PTPRG: variants seen among roughly 807,000 people sequenced by gnomAD.
PTPRG encodes the protein protein tyrosine phosphatase receptor type G.
A neutral mutation model predicts 165.3 loss-of-function variants in PTPRG; 102 were observed. The observed-to-expected ratio is 0.62, with a 90% CI of 0.53 to 0.73. The LOEUF (loss-of-function observed/expected upper bound fraction) is 0.73. Ranked by LOEUF, PTPRG falls within the 30% of genes least tolerant of loss-of-function variation. PTPRG has a pLI of 0.00. For missense variants in PTPRG, 1,866 were observed against 1,861.4 expected (o/e 1.00, Z -0.05); for synonymous variants, 675 against 669.5 (o/e 1.01, Z -0.13).
At chr3:61,912,582 A>T (rs2038829704) in intron 2 of PTPRG, among the ~76,000 whole-genome samples, 1 of 152,226 alleles carries the variant, frequency 6.6e-6, no homozygotes, top group Non-Finnish European at 1.5e-5. Context: ...CAGAAGACCG[A>T]CAGTCTTTTC....
intron 2 of PTPRG, among the ~76,000 whole-genome samples, chr3:61,949,172 A>C (rs570625986): frequency 2.1e-4 from 32 of 152,352 alleles, no homozygotes; most frequent in Non-Finnish European, 4.0e-4. Flanking sequence ...GCTTAAAAAA[A>C]CAACTCAAAA....
intron 14 of PTPRG, among the ~76,000 whole-genome samples, chr3:62,241,541 A>G (rs1701160579): frequency 6.6e-6 from 1 of 151,980 alleles, no homozygotes; most frequent in Non-Finnish European, 1.5e-5. Context: ...CTAGAGTGTG[A>G]TTTGCTTCAG....
intron 5 of PTPRG, among the ~76,000 whole-genome samples, chr3:62,091,769 C>T (rs1299333368): frequency 6.6e-6 from 1 of 152,040 alleles, no homozygotes; most frequent in Non-Finnish European, 1.5e-5. Flanking sequence ...CAATTTATTT[C>T]ATTAGTCCCA....
At chr3:61,925,556 C>G (rs2039187638) in intron 2 of PTPRG, among the ~76,000 whole-genome samples, 1 of 152,082 alleles carries the variant, frequency 6.6e-6, no homozygotes, top group Non-Finnish European at 1.5e-5. Flanking sequence ...CCAGCCTGGC[C>G]AACATGGTGA....
Position 61,846,715 on chromosome 3 carries a change from G to A in PTPRG, c.190+97733G>A, listed in dbSNP as rs79733795. ...AGATCACTTGAGCCCAGGAGCTCAA[G>A]ACCAACCTGGGTAACATGGCAAAAC... On this transcript the variant is annotated intron_variant, in intron 2 of 29. Coordinates refer to ENST00000474889, the MANE Select transcript of PTPRG (RefSeq NM_002841.4). Among the ~76,000 whole-genome samples the A allele has an allele frequency of 9.8e-5, 15 of 152,314 alleles. 1 individual carries two copies. In the East Asian group the frequency reaches 2.9e-3, roughly 29 times the overall value.
intron 4 of PTPRG, among the ~76,000 whole-genome samples, chr3:62,075,370 A>G (rs984778020): frequency 4.6e-5 from 7 of 152,186 alleles, no homozygotes; most frequent in African/African-American, 1.7e-4. Flanking sequence ...GGTTAGTAGT[A>G]TTGTATCCAA....
intron 7 of PTPRG, among the ~76,000 whole-genome samples, chr3:62,164,433 T>C (rs953243404): frequency 3.9e-5 from 6 of 152,196 alleles, no homozygotes; most frequent in Non-Finnish European, 8.8e-5. Context: ...CTGGCGATTT[T>C]CATTTAAGTT....
chr3:62,132,283 T>C (rs1703544710), intron 5 of PTPRG, among the ~76,000 whole-genome samples: 1 of 152,230 alleles, frequency 6.6e-6, no homozygotes, highest in African/African-American at 2.4e-5. Context: ...AATGACTTTT[T>C]AGCCGATTGG....
chr3:61,973,658 C>G (rs778516608), intron 2 of PTPRG, among the ~76,000 whole-genome samples: 4 of 151,878 alleles, frequency 2.6e-5, no homozygotes, highest in Non-Finnish European at 5.9e-5. Context: ...GTGGTGAAAC[C>G]TCATCTCTAC....
intron 1 of PTPRG, among the ~76,000 whole-genome samples, chr3:61,738,528 C>G (rs769863461): frequency 5.3e-5 from 8 of 150,428 alleles, no homozygotes; most frequent in East Asian, 2.0e-4. Context: ...ATACAACTGA[C>G]AAATAACTGC....
At chr3:62,055,323 C>T (rs1449172043) in intron 4 of PTPRG, among the ~76,000 whole-genome samples, 2 of 152,194 alleles carry the variant, frequency 1.3e-5, no homozygotes, top group Admixed American at 1.3e-4. Context: ...AAAGGCATCA[C>T]AGAAATATCG....
chr3:61,786,016 G>A (rs1019620998), intron 2 of PTPRG, among the ~76,000 whole-genome samples: 11 of 152,122 alleles, frequency 7.2e-5, no homozygotes, highest in African/African-American at 2.4e-4. Flanking sequence ...AACAGGAAGC[G>A]ACAACTACTA....
intron 1 of PTPRG, among the ~76,000 whole-genome samples, chr3:61,725,465 A>G (rs1447998577): frequency 6.6e-6 from 1 of 152,144 alleles, no homozygotes; most frequent in African/African-American, 2.4e-5. Flanking sequence ...TGAAAAGACT[A>G]TCCTTCCTCC....
intron 4 of PTPRG, among the ~76,000 whole-genome samples, chr3:62,004,510 T>C (rs1218681542): frequency 6.6e-6 from 1 of 152,244 alleles, no homozygotes; most frequent in Non-Finnish European, 1.5e-5. Flanking sequence ...TTAGTTCTTG[T>C]TTTCTTACAC....
chr3:61,670,528 G>A lies in PTPRG; in HGVS notation c.86-78350G>A, dbSNP rs7639347. 9.3e-3 allele frequency among the ~76,000 whole-genome samples: 1,415 copies of A among 152,222 alleles called. 25 individuals are homozygous for A. The highest frequency in any genetic ancestry group is 0.031 in the African/African-American group (1,285 of 41,518). On this transcript the variant is annotated intron_variant, in intron 1 of 29. Coordinates refer to ENST00000474889, the MANE Select transcript of PTPRG (RefSeq NM_002841.4). ...ATTGTCTGCGCCCTTATTGATCAGC[G>A]CGACATCTTTTACTTGCTTATCTCT...
intron 2 of PTPRG, among the ~76,000 whole-genome samples, chr3:61,799,835 G>A (rs2035178776): frequency 6.6e-6 from 1 of 152,084 alleles, no homozygotes; most frequent in Non-Finnish European, 1.5e-5. Context: ...TTGAGAGTGT[G>A]GACATAACAT....
At chr3:61,847,836 G>C (rs2036848844) in intron 2 of PTPRG, among the ~76,000 whole-genome samples, 1 of 152,214 alleles carries the variant, frequency 6.6e-6, no homozygotes, top group South Asian at 2.1e-4. Context: ...TGCAGACAGA[G>C]GCTTAAGACA....
intron 1 of PTPRG, among the ~76,000 whole-genome samples, chr3:61,620,189 C>A (rs769459670): frequency 6.6e-6 from 1 of 152,022 alleles, no homozygotes; most frequent in Non-Finnish European, 1.5e-5. Context: ...TGTCATGGGG[C>A]CTCTAAACAG....
At chr3:61,959,052 C>T (rs1023660352) in intron 2 of PTPRG, among the ~76,000 whole-genome samples, 2 of 152,182 alleles carry the variant, frequency 1.3e-5, no homozygotes, top group African/African-American at 2.4e-5. Flanking sequence ...ACTGCTGTAC[C>T]ATGGTACCAG....
Sources: gnomAD v4.1 joint callset for allele counts (sites outside exome capture counted in the v4.1 genomes callset) on GRCh38, gnomAD v4.1.1 for gene constraint, MANE v1.5 for transcripts, NCBI Gene and HGNC (gene_info 2026-07-23, HGNC 2026-07-21) for gene names.